The following ANKRD11 variants were observed in gnomAD, a reference collection of about 807,000 sequenced individuals.
ANKRD11 encodes the protein ankyrin repeat domain 11, also known as ankyrin repeat domain-containing protein 11.
A neutral mutation model predicts 195.7 loss-of-function variants in ANKRD11; 17 were observed. The observed-to-expected ratio is 0.09, with a 90% CI of 0.06 to 0.13. The LOEUF (loss-of-function observed/expected upper bound fraction) is 0.13. Ranked by LOEUF, ANKRD11 falls within the 10% of genes least tolerant of loss-of-function variation. The pLI, the probability that ANKRD11 is intolerant of heterozygous loss-of-function variation, is 1.00. For missense variants in ANKRD11, 3,735 were observed against 3,566.1 expected (o/e 1.05, Z -1.21); for synonymous variants, 1,953 against 1,528.1 (o/e 1.28, Z -6.49).
In ANKRD11 at chr16:89,443,220, C is replaced by T. The variant is rs1385686339; in HGVS notation, c.-144-24852G>A. ...ACCTCAAGTGATCTGCCCGCCCTGGCCTCCAAAGTGCTGGGATTACAGGTG... is the reference window on the plus strand; with the variant it reads ...ACCTCAAGTGATCTGCCCGCCCTGGTCTCCAAAGTGCTGGGATTACAGGTG... On this transcript the variant is annotated intron_variant, in intron 1 of 12. Coordinates refer to ENST00000301030, the MANE Select transcript of ANKRD11 (RefSeq NM_013275.6). The T allele has an allele frequency of 2.0e-5, 3 of 152,150 alleles. No homozygotes were observed. The East Asian group carries it at 5.8e-4, about 29-fold the overall frequency. 9.4% of individuals were successfully genotyped at this position (152,150 alleles called of 1,614,324 possible). A position where few individuals can be genotyped will look rare whatever the true frequency, so the allele number is the denominator to read the frequency against.
At chr16:89,352,777 C>G (rs78360664) in intron 2 of ANKRD11, among the ~76,000 whole-genome samples, 3,388 of 152,278 alleles carry the variant, frequency 0.022, 114 homozygotes, top group African/African-American at 0.077. Flanking sequence ...TTCTTGAGTG[C>G]GTTTCCTATG....
chr16:89,330,109 T>G (rs1173477312), intron 2 of ANKRD11, among the ~76,000 whole-genome samples: 5 of 152,238 alleles, frequency 3.3e-5, no homozygotes, highest in African/African-American at 1.2e-4. Flanking sequence ...TTAAATATAC[T>G]TGAATGACAT....
At chr16:89,276,090 G>T (rs934323398) in intron 9 of ANKRD11, among the ~76,000 whole-genome samples, 1 of 152,200 alleles carries the variant, frequency 6.6e-6, no homozygotes, top group African/African-American at 2.4e-5. Flanking sequence ...CTGGAACATC[G>T]AGGGGCCAGT....
At chr16:89,434,232 T>C (rs954274462) in intron 1 of ANKRD11, among the ~76,000 whole-genome samples, 1 of 152,150 alleles carries the variant, frequency 6.6e-6, no homozygotes, top group African/African-American at 2.4e-5. Context: ...ATGGATTCTG[T>C]GTGTCTGGGG....
intron 2 of ANKRD11, among the ~76,000 whole-genome samples, chr16:89,388,489 T>G (rs1345183264): frequency 6.6e-6 from 1 of 151,868 alleles, no homozygotes. Context: ...TAAGCAAGAT[T>G]TGCGTTTCCC....
chr16:89,374,337 T>TAAA (rs749237535), intron 2 of ANKRD11, among the ~76,000 whole-genome samples: 89 of 148,984 alleles, frequency 6.0e-4, no homozygotes, highest in African/African-American at 2.1e-3. Context: ...TGTGTTTTTG[T>TAAA]AAAAAAAATA....
At position 89,286,130 on chromosome 16, in the gene ANKRD11, G is replaced by A. The variant is rs953539598; in HGVS notation, c.801C>T (p.Gly267=). The stretch of plus-strand genomic sequence containing the variant: ...AGTTGGCCACTTTCAGCGGCGTCTC[G>A]CCTTTCCTGTTGCTCTGCTGCGGGT... ...GGNPQQSNRK[G]ETPLKVANSP... is the part of the protein sequence containing the mutation. Residue 267 remains glycine, a synonymous_variant, in exon 8 of 13, where the codon GGC becomes GGT. Transcript: ENST00000301030. 3.1e-6 allele frequency: 5 copies of A among 1,614,156 alleles called. No individual in the cohort carries two copies. The highest frequency in any genetic ancestry group is 4.5e-5 in the East Asian group (2 of 44,878).
At chr16:89,379,143 C>T (rs919667883) in intron 2 of ANKRD11, among the ~76,000 whole-genome samples, 1 of 152,204 alleles carries the variant, frequency 6.6e-6, no homozygotes, top group Non-Finnish European at 1.5e-5. Context: ...GAAGGTGGGG[C>T]CGGCCCCCAT....
intron 2 of ANKRD11, among the ~76,000 whole-genome samples, chr16:89,338,226 C>T (rs546794386): frequency 8.5e-5 from 13 of 152,232 alleles, no homozygotes; most frequent in African/African-American, 2.2e-4. Context: ...CAGCCCAGCA[C>T]GTCCACTCAG....
At chr16:89,375,063 G>A (rs1338171705) in intron 2 of ANKRD11, among the ~76,000 whole-genome samples, 1 of 151,974 alleles carries the variant, frequency 6.6e-6, no homozygotes, top group African/African-American at 2.4e-5. Context: ...ACATGGCATC[G>A]TTCAGCAGAG....
At chr16:89,419,439 C>A (rs900183393) in intron 1 of ANKRD11, among the ~76,000 whole-genome samples, 5 of 145,094 alleles carry the variant, frequency 3.4e-5, no homozygotes, top group Non-Finnish European at 6.0e-5. Context: ...GGTGACAGAG[C>A]GAAACTCGTC....
chr16:89,314,592 G>A (rs1269637263), intron 3 of ANKRD11, among the ~76,000 whole-genome samples: 1 of 152,112 alleles, frequency 6.6e-6, no homozygotes, highest in African/African-American at 2.4e-5. Flanking sequence ...CAAGTCCACT[G>A]ACACAGGGCT....
rs540916392 is a variant in ANKRD11, at chr16:89,474,542, C to A, written c.-145+15703G>T. Reference sequence around the variant, plus strand: ...GAAAGAAAAGCTTTCATCCATGCTACTTCCTTCCATGCACAAATAATGACT... The same window carrying A: ...GAAAGAAAAGCTTTCATCCATGCTAATTCCTTCCATGCACAAATAATGACT... On this transcript the variant is annotated intron_variant, in intron 1 of 12. Coordinates refer to ENST00000301030, the MANE Select transcript of ANKRD11 (RefSeq NM_013275.6). Among the ~76,000 whole-genome samples, 81 of 152,114 alleles carry A rather than the reference C, an allele frequency of 5.3e-4. No homozygotes were observed. The South Asian group carries it at 0.016, about 30-fold the overall frequency.
At chr16:89,377,335 T>C (rs1285731135) in intron 2 of ANKRD11, among the ~76,000 whole-genome samples, 3 of 152,096 alleles carry the variant, frequency 2.0e-5, no homozygotes, top group South Asian at 2.1e-4. Context: ...ATCATTGTTA[T>C]AGAGAAAGCC....
intron 3 of ANKRD11, among the ~76,000 whole-genome samples, chr16:89,307,576 T>C (rs2036362405): frequency 6.6e-6 from 1 of 152,016 alleles, no homozygotes; most frequent in Admixed American, 6.6e-5. Flanking sequence ...ACCCCAGCAG[T>C]GCAGGTCCCT....
chr16:89,389,434 T>C (rs2041073308), intron 2 of ANKRD11, among the ~76,000 whole-genome samples: 1 of 151,686 alleles, frequency 6.6e-6, no homozygotes, highest in African/African-American at 2.4e-5. Flanking sequence ...AAAAAGTCAA[T>C]CAAAAGCTAC....
chr16:89,368,230 C>G (rs3950368), intron 2 of ANKRD11, among the ~76,000 whole-genome samples: 1 of 151,658 alleles, frequency 6.6e-6, no homozygotes, highest in African/African-American at 2.4e-5. Flanking sequence ...GATTCTTGCT[C>G]TGTTGCCCAG....
At chr16:89,295,981 CTGCCTTTTTT>C (rs2035403026) in intron 4 of ANKRD11, among the ~76,000 whole-genome samples, 1 of 22,366 alleles carries the variant, frequency 4.5e-5, no homozygotes. Flanking sequence ...CTCTATCTGG[CTGCCTTTTTT>C]TTTTTTTTTT....
chr16:89,393,319 T>A (rs1044302401), intron 2 of ANKRD11, among the ~76,000 whole-genome samples: 6 of 150,872 alleles, frequency 4.0e-5, no homozygotes, highest in South Asian at 4.2e-4. Context: ...TTTTTATTTT[T>A]TTTTTTTTTG....
Sources: gnomAD v4.1 joint callset for allele counts (sites outside exome capture counted in the v4.1 genomes callset) on GRCh38, gnomAD v4.1.1 for gene constraint, MANE v1.5 for transcripts, NCBI Gene and HGNC (gene_info 2026-07-23, HGNC 2026-07-21) for gene names.